The following VWA8 variants were observed in gnomAD, a reference collection of about 807,000 sequenced individuals.
VWA8 encodes von Willebrand factor A domain containing 8, also known as von Willebrand factor A domain-containing protein 8.
VWA8 carries 221 observed loss-of-function variants against 241.5 expected under a neutral mutation model. That is an observed-to-expected ratio of 0.91 (90% CI 0.82 to 1.02). The LOEUF (loss-of-function observed/expected upper bound fraction) is 1.02, where lower values mean the gene tolerates loss of function less well. Among genes scored for constraint, VWA8 ranks in the 50% least tolerant of loss-of-function variants. The pLI is 0.00. For synonymous variants in VWA8, 852 were observed against 827.1 expected (o/e 1.03, Z -0.52); for missense variants, 2,322 against 2,328.7 (o/e 1.00, Z 0.06).
chr13:41,713,563 A>G (rs987904082), intron 26 of VWA8, among the ~76,000 whole-genome samples: 1 of 152,220 alleles, frequency 6.6e-6, no homozygotes, highest in East Asian at 1.9e-4. Context: ...AGTAACTACA[A>G]GACTTCATTA....
intron 8 of VWA8, among the ~76,000 whole-genome samples, chr13:41,884,890 TATACATAC>T (rs10544998): frequency 0.33 from 48,939 of 149,842 alleles, 8,572 homozygotes; most frequent in Non-Finnish European, 0.39. Context: ...AACATACATA[TATACATAC>T]ATACATACAT....
chr13:41,803,650 C>T (rs577608940), intron 17 of VWA8, among the ~76,000 whole-genome samples: 6 of 152,206 alleles, frequency 3.9e-5, no homozygotes, highest in Non-Finnish European at 7.3e-5. Context: ...CCTACCAGGT[C>T]TCTCCCACAA....
At chr13:41,871,239 T>A (rs1200067985) in intron 9 of VWA8, among the ~76,000 whole-genome samples, 1 of 152,212 alleles carries the variant, frequency 6.6e-6, no homozygotes, top group Non-Finnish European at 1.5e-5. Context: ...AACTTACCAC[T>A]TTCTGAGTAT....
rs117602544 is a variant in VWA8 at position 41,831,088 on chromosome 13, A to G, written c.1587-446T>C. 4.8e-3 allele frequency among the ~76,000 whole-genome samples: 727 copies of G among 152,356 alleles called. 16 individuals carry two copies. Among genetic ancestry groups the G allele is most frequent in the East Asian group, 0.011 (56 of 5,190 alleles). On this transcript the variant is annotated intron_variant, in intron 13 of 44. Transcript: ENST00000379310. ...AAAAATACAAAAATCTTATAATGAA[A>G]TAACTACATTGCTCTACATATGGCA...
intron 21 of VWA8, among the ~76,000 whole-genome samples, chr13:41,754,187 C>T (rs2045676622): frequency 6.6e-6 from 1 of 152,048 alleles, no homozygotes. Context: ...CTTGAACTCC[C>T]ACATGTTGCG....
Position 41,961,093 on chromosome 13 carries a change from G to T in VWA8, c.-78C>A. 2 of 1,270,916 alleles carry T rather than the reference G, an allele frequency of 1.6e-6. No homozygotes were observed. Among genetic ancestry groups the T allele is most frequent in the Non-Finnish European group, 1.0e-6 (1 of 987,212 alleles). The allele number at this position is 1,270,916 out of a possible 1,614,324, so 78.7% of individuals were successfully genotyped here. On this transcript the variant is annotated 5_prime_UTR_variant, in exon 1 of 45. Transcript: ENST00000379310. ...TCCCGTGCAGGCACCGTGAGGCAGC[G>T]CGGAGAAGGGGACAGGAAGCGGCAC...
chr13:41,725,026 A>G (rs570081555), intron 24 of VWA8, among the ~76,000 whole-genome samples: 10 of 152,124 alleles, frequency 6.6e-5, no homozygotes, highest in Non-Finnish European at 1.5e-4. Flanking sequence ...ATTCAGCTGC[A>G]CATGTGTAGG....
At chr13:41,653,583 AAAAG>A (rs1430780334) in intron 37 of VWA8, among the ~76,000 whole-genome samples, 1 of 152,250 alleles carries the variant, frequency 6.6e-6, no homozygotes, top group Non-Finnish European at 1.5e-5. Flanking sequence ...TGGAACCAAA[AAAAG>A]AGCCTGAATA....
At chr13:41,682,390 A>T (rs1259528844) in intron 35 of VWA8, among the ~76,000 whole-genome samples, 1 of 152,218 alleles carries the variant, frequency 6.6e-6, no homozygotes, top group East Asian at 1.9e-4. Context: ...CTCAAAATGG[A>T]TCATAAATCT....
At chr13:41,683,283 A>G (rs912646488) in intron 35 of VWA8, among the ~76,000 whole-genome samples, 3 of 152,186 alleles carry the variant, frequency 2.0e-5, no homozygotes, top group Admixed American at 6.6e-5. Context: ...TGATACACAC[A>G]TAACATAAAA....
chr13:41,907,022 C>A (rs1236370778), intron 4 of VWA8, among the ~76,000 whole-genome samples: 1 of 151,758 alleles, frequency 6.6e-6, no homozygotes, highest in Non-Finnish European at 1.5e-5. Context: ...AGGCTCTATC[C>A]TTTTTCTATT....
At chr13:41,783,944 C>A (rs746631665) in intron 18 of VWA8, 43 bp from the exon 19 acceptor site, 1 of 1,514,702 alleles carries the variant, frequency 6.6e-7, no homozygotes, top group South Asian at 1.1e-5. Flanking sequence ...ATAGCACTGT[C>A]CTCAGAGATG....
Position 41,833,370 on chromosome 13 carries a change from C to T in VWA8, c.1586+1G>A. The T allele has an allele frequency of 1.2e-6, 2 of 1,606,140 alleles. No homozygotes were observed. The highest frequency in any genetic ancestry group is 1.7e-6 in the Non-Finnish European group (2 of 1,176,408). On this transcript the variant is annotated splice_donor_variant, in intron 13 of 44. Transcript: ENST00000379310. LOFTEE classifies it high-confidence loss of function. ...GTGTGATTTTTGTGACTCATACCCA[C>T]CTTTGCAATACAGCAAGCGTGCCCG...
At chr13:41,707,652 T>C (rs758720246) in intron 26 of VWA8, among the ~76,000 whole-genome samples, 7 of 152,210 alleles carry the variant, frequency 4.6e-5, no homozygotes, top group Non-Finnish European at 8.8e-5. Flanking sequence ...TTTCATGGAA[T>C]AGCCCTGACT....
At chr13:41,941,031 A>G (rs1877572615) in intron 2 of VWA8, among the ~76,000 whole-genome samples, 1 of 152,216 alleles carries the variant, frequency 6.6e-6, no homozygotes, top group Non-Finnish European at 1.5e-5. Flanking sequence ...AGTTTTGATT[A>G]CCTAGAGGGT....
chr13:41,918,899 A>C (rs745765345), intron 2 of VWA8, among the ~76,000 whole-genome samples: 2 of 152,194 alleles, frequency 1.3e-5, no homozygotes, highest in Non-Finnish European at 2.9e-5. Flanking sequence ...GACCAAAATT[A>C]AATTAAATTA....
chr13:41,612,340 T>A (rs1414798982), intron 38 of VWA8, among the ~76,000 whole-genome samples: 1 of 152,208 alleles, frequency 6.6e-6, no homozygotes, highest in African/African-American at 2.4e-5. Flanking sequence ...AACTTTGACT[T>A]CTGGTTTGAA....
At chr13:41,937,578 G>T (rs928829479) in intron 2 of VWA8, among the ~76,000 whole-genome samples, 1 of 152,124 alleles carries the variant, frequency 6.6e-6, no homozygotes, top group Non-Finnish European at 1.5e-5. Flanking sequence ...AGCTTTGCTC[G>T]CTTGCCTGCT....
At chr13:41,582,927 C>T (rs543626640) in intron 42 of VWA8, among the ~76,000 whole-genome samples, 1 of 152,266 alleles carries the variant, frequency 6.6e-6, no homozygotes, top group South Asian at 2.1e-4. Flanking sequence ...GCTGCGTGCA[C>T]CAATCACCTA....
Sources: gnomAD v4.1 joint callset for allele counts (sites outside exome capture counted in the v4.1 genomes callset) on GRCh38, gnomAD v4.1.1 for gene constraint, MANE v1.5 for transcripts, NCBI Gene and HGNC (gene_info 2026-07-23, HGNC 2026-07-21) for gene names.